Variants in AFG2A observed in about 807,000 individuals in gnomAD.
AFG2A encodes the protein ATPase family gene 2 protein homolog A.
At chr4:123,288,014 T>C in the AFG2A span, among the ~76,000 whole-genome samples, 1 of 151,600 alleles carries the variant, frequency 6.6e-6, no homozygotes, top group African/African-American at 2.4e-5. Flanking sequence ...GAGTGAAGAG[T>C]GTGAGGGGGT....
chr4:122,925,824 G>A, the AFG2A span, among the ~76,000 whole-genome samples: 1 of 152,274 alleles, frequency 6.6e-6, no homozygotes, highest in South Asian at 2.1e-4. Context: ...TGAGACCAAG[G>A]ACTTGTGAAC....
the AFG2A span, among the ~76,000 whole-genome samples, chr4:123,077,945 C>A: frequency 1.3e-5 from 2 of 152,092 alleles, no homozygotes; most frequent in Non-Finnish European, 2.9e-5. Context: ...GTGAAAGACC[C>A]GTGGAGAATT....
At chr4:123,233,460 G>A in the AFG2A span, among the ~76,000 whole-genome samples, 70 of 151,882 alleles carry the variant, frequency 4.6e-4, no homozygotes, top group Non-Finnish European at 8.7e-4. Context: ...AAAAAGTTGA[G>A]AGTAAAAACA....
At chr4:123,142,419 C>T in the AFG2A span, among the ~76,000 whole-genome samples, 2 of 151,756 alleles carry the variant, frequency 1.3e-5, no homozygotes, top group African/African-American at 2.4e-5. Flanking sequence ...GGTGAATGTT[C>T]GTCATATAAA....
chr4:123,262,129 C>G, the AFG2A span, among the ~76,000 whole-genome samples: 38 of 152,184 alleles, frequency 2.5e-4, no homozygotes, highest in South Asian at 6.7e-3. Context: ...CACAGATTCT[C>G]TAGGGCAGAG....
chr4:122,926,184 A>G, the AFG2A span, among the ~76,000 whole-genome samples: 1 of 152,322 alleles, frequency 6.6e-6, no homozygotes, highest in Admixed American at 6.5e-5. Context: ...ATCCTGGGAC[A>G]TGGAGAATGT....
At chr4:123,030,825 C>A in the AFG2A span, among the ~76,000 whole-genome samples, 1 of 152,124 alleles carries the variant, frequency 6.6e-6, no homozygotes, top group African/African-American at 2.4e-5. Context: ...AGTTGAGCAT[C>A]CCTAATCTGA....
the AFG2A span, among the ~76,000 whole-genome samples, chr4:123,173,340 G>GTTTTTTTTTT: frequency 2.1e-3 from 145 of 70,302 alleles, 7 homozygotes; most frequent in Middle Eastern, 0.014. Context: ...AAGTCCAATG[G>GTTTTTTTTTT]TTTTTTTTTT....
At chr4:123,206,973 A>T in the AFG2A span, among the ~76,000 whole-genome samples, 1 of 113,006 alleles carries the variant, frequency 8.8e-6, no homozygotes, top group Admixed American at 9.5e-5. Flanking sequence ...ATTTTATTTC[A>T]TTCACTGAGT....
the AFG2A span, among the ~76,000 whole-genome samples, chr4:123,247,302 T>C: frequency 0.63 from 95,467 of 151,878 alleles, 30,874 homozygotes; most frequent in Admixed American, 0.69. Context: ...CTTAGCTATA[T>C]TCTAAAGTTA....
the AFG2A span, among the ~76,000 whole-genome samples, chr4:123,148,714 C>A: frequency 1.3e-5 from 2 of 151,718 alleles, no homozygotes; most frequent in African/African-American, 4.8e-5. Context: ...ACATACCTTG[C>A]CAAAAATTTG....
chr4:123,084,590 ATG>A, the AFG2A span, among the ~76,000 whole-genome samples: 2,052 of 143,240 alleles, frequency 0.014, 60 homozygotes, highest in African/African-American at 0.049. Flanking sequence ...GTATATATAT[ATG>A]TGTGTGTGTG....
the AFG2A span, among the ~76,000 whole-genome samples, chr4:123,243,800 C>G: frequency 3.4e-5 from 3 of 88,440 alleles, no homozygotes; most frequent in African/African-American, 1.0e-4. Context: ...AGGAGGATCA[C>G]TTGAGTCCGG....
the AFG2A span, among the ~76,000 whole-genome samples, chr4:123,012,107 G>A: frequency 4.2e-5 from 6 of 143,744 alleles, no homozygotes; most frequent in Non-Finnish European, 1.5e-5. Context: ...AGAGAAGGAA[G>A]GGTAGAGACA....
At chr4:122,930,683 A>G in the AFG2A span, among the ~76,000 whole-genome samples, 1 of 152,170 alleles carries the variant, frequency 6.6e-6, no homozygotes, top group African/African-American at 2.4e-5. Flanking sequence ...CTTGCCTAAT[A>G]TTTTATGAGG....
the AFG2A span, among the ~76,000 whole-genome samples, chr4:123,132,598 A>ATATATATG: frequency 1.3e-4 from 3 of 22,500 alleles, no homozygotes; most frequent in Non-Finnish European, 3.3e-4. Flanking sequence ...ATGTGTGTAC[A>ATATATATG]TATATATATA....
the AFG2A span, among the ~76,000 whole-genome samples, chr4:123,051,784 G>A: frequency 6.6e-6 from 1 of 151,460 alleles, no homozygotes; most frequent in Non-Finnish European, 1.5e-5. Flanking sequence ...CCAACCCTAA[G>A]GTTCCCACTG....
At chr4:123,281,201 A>G in the AFG2A span, among the ~76,000 whole-genome samples, 1 of 152,170 alleles carries the variant, frequency 6.6e-6, no homozygotes, top group Non-Finnish European at 1.5e-5. Context: ...GAAAAAGGGT[A>G]GGAATCGGAT....
chr4:122,980,551 A>C, the AFG2A span, among the ~76,000 whole-genome samples: 1 of 152,098 alleles, frequency 6.6e-6, no homozygotes, highest in Non-Finnish European at 1.5e-5. Context: ...TTGGTAACTT[A>C]ATATTTTGAG....
Sources: allele counts gnomAD v4.1 joint callset (sites outside exome capture counted in the v4.1 genomes callset), GRCh38; gene constraint gnomAD v4.1.1; transcripts MANE v1.5; gene names NCBI Gene and HGNC (gene_info 2026-07-23, HGNC 2026-07-21).